ZMIZ1: variants seen among roughly 807,000 people sequenced by gnomAD.
ZMIZ1 encodes zinc finger MIZ-type containing 1.
ZMIZ1 carries 17 observed loss-of-function variants against 113.9 expected under a neutral mutation model. That is an observed-to-expected ratio of 0.15 (90% CI 0.10 to 0.22). ZMIZ1 has a LOEUF of 0.22. Ranked by LOEUF, ZMIZ1 falls within the 10% of genes least tolerant of loss-of-function variation. ZMIZ1 has a pLI of 1.00. For synonymous variants in ZMIZ1, 607 were observed against 603.1 expected (o/e 1.01, Z -0.09); for missense variants, 1,059 against 1,477.8 (o/e 0.72, Z 4.65).
chr10:79,071,119 T>C (rs1842268853), intron 1 of ZMIZ1, among the ~76,000 whole-genome samples: 1 of 152,030 alleles, frequency 6.6e-6, no homozygotes, highest in African/African-American at 2.4e-5. Context: ...GCCCCAAAGA[T>C]TTAAAAGGGC....
intron 2 of ZMIZ1, among the ~76,000 whole-genome samples, chr10:79,119,607 G>C (rs946313077): frequency 3.3e-5 from 5 of 152,198 alleles, no homozygotes; most frequent in African/African-American, 1.2e-4. Context: ...TCTGCCTCTG[G>C]CCTTGCTCCT....
At chr10:79,292,784 C>G (rs1042409659) in intron 11 of ZMIZ1, 3 of 465,222 alleles carry the variant, frequency 6.4e-6, no homozygotes, top group African/African-American at 5.9e-5. Context: ...TGCGCAGGCC[C>G]CAGTGCTGCT....
intron 1 of ZMIZ1, among the ~76,000 whole-genome samples, chr10:79,074,076 G>C (rs1842389931): frequency 6.6e-6 from 1 of 152,238 alleles, no homozygotes; most frequent in African/African-American, 2.4e-5. Context: ...GTACTTGGTG[G>C]ATTTAGAAGC....
At chr10:79,293,077 T>A (rs1038816010) in intron 11 of ZMIZ1, among the ~76,000 whole-genome samples, 4 of 152,066 alleles carry the variant, frequency 2.6e-5, no homozygotes, top group Non-Finnish European at 5.9e-5. Context: ...CTTTCCTGGT[T>A]TTCTGCCTGC....
chr10:79,275,892 A>G (rs1343806169), intron 7 of ZMIZ1, among the ~76,000 whole-genome samples: 1 of 152,236 alleles, frequency 6.6e-6, no homozygotes, highest in East Asian at 1.9e-4. Context: ...GGTCAAGAAA[A>G]AAAAAGGATG....
At chr10:79,156,636 C>T (rs1845912167) in intron 3 of ZMIZ1, among the ~76,000 whole-genome samples, 1 of 152,198 alleles carries the variant, frequency 6.6e-6, no homozygotes, top group Admixed American at 6.5e-5. Flanking sequence ...GAAGACAGTG[C>T]CTACTGTCTG....
chr10:79,226,138 C>T (rs1415824095), intron 7 of ZMIZ1, among the ~76,000 whole-genome samples: 1 of 152,010 alleles, frequency 6.6e-6, no homozygotes, highest in African/African-American at 2.4e-5. Flanking sequence ...CAGGGCCACA[C>T]AGCCCTTCAC....
At chr10:79,157,104 G>A (rs1845929345) in intron 3 of ZMIZ1, among the ~76,000 whole-genome samples, 1 of 152,186 alleles carries the variant, frequency 6.6e-6, no homozygotes, top group Non-Finnish European at 1.5e-5. Flanking sequence ...GGACAGTGAC[G>A]AGACGTAGAG....
chr10:79,254,042 C>G (rs879296315), intron 7 of ZMIZ1, among the ~76,000 whole-genome samples: 5 of 152,224 alleles, frequency 3.3e-5, no homozygotes, highest in Non-Finnish European at 7.3e-5. Context: ...GTAGCTATCA[C>G]TTGTTTGTAT....
chr10:79,293,267 GC>G (rs964490259), intron 11 of ZMIZ1, 113 bp from the exon 12 acceptor site: 4 of 1,404,676 alleles, frequency 2.8e-6, no homozygotes, highest in African/African-American at 2.9e-5. Flanking sequence ...ACAGGACAGT[GC>G]CCCCTCCCCA....
chr10:79,156,007 G>A (rs993050225), intron 3 of ZMIZ1, among the ~76,000 whole-genome samples: 6 of 152,246 alleles, frequency 3.9e-5, no homozygotes, highest in Non-Finnish European at 8.8e-5. Flanking sequence ...CACACAGTGT[G>A]TGAGCACCCT....
At chr10:79,087,528 G>T (rs1272089167) in intron 1 of ZMIZ1, among the ~76,000 whole-genome samples, 1 of 152,166 alleles carries the variant, frequency 6.6e-6, no homozygotes, top group East Asian at 1.9e-4. Flanking sequence ...ACATCCCCAG[G>T]CAGCAACCTT....
chr10:79,089,487 C>T (rs975297250), intron 1 of ZMIZ1, among the ~76,000 whole-genome samples: 2 of 152,178 alleles, frequency 1.3e-5, no homozygotes, highest in East Asian at 1.9e-4. Flanking sequence ...TGCCTCCTTC[C>T]GACAGAAGCA....
At chr10:79,311,557 G>A (rs1287604975) in intron 24 of ZMIZ1, among the ~76,000 whole-genome samples, 2 of 152,136 alleles carry the variant, frequency 1.3e-5, no homozygotes, top group African/African-American at 4.8e-5. Flanking sequence ...GAGGGCTGGA[G>A]GGAGAGGCCG....
chr10:79,134,896 G>GCAA (rs1438598108), intron 2 of ZMIZ1, among the ~76,000 whole-genome samples: 44 of 151,870 alleles, frequency 2.9e-4, no homozygotes, highest in African/African-American at 1.0e-3. Context: ...TTGGCTCACT[G>GCAA]CAACCTCTGC....
At chr10:79,078,719 A>ATTTTTTT (rs10673987) in intron 1 of ZMIZ1, among the ~76,000 whole-genome samples, 47,225 of 124,432 alleles carry the variant, frequency 0.38, 10,545 homozygotes, top group Non-Finnish European at 0.47. Flanking sequence ...TAATTTTTGT[A>ATTTTTTT]TTTTTTTTTT....
intron 2 of ZMIZ1, among the ~76,000 whole-genome samples, chr10:79,125,009 CTT>C (rs144927951): frequency 0.026 from 3,966 of 152,326 alleles, 63 homozygotes; most frequent in Middle Eastern, 0.068. Context: ...CAGTCTAAGA[CTT>C]AGTTCACCCA....
chr10:79,298,854 G>T (rs149420140), intron 15 of ZMIZ1, among the ~76,000 whole-genome samples, 196 bp from the exon 16 acceptor site: 1,640 of 152,330 alleles, frequency 0.011, 14 homozygotes, highest in Non-Finnish European at 0.018. Context: ...GGGATGAGTC[G>T]CTGGGGCGGG....
intron 1 of ZMIZ1, among the ~76,000 whole-genome samples, chr10:79,099,279 G>C (rs149129794): frequency 1.4e-4 from 22 of 152,212 alleles, no homozygotes; most frequent in Middle Eastern, 6.8e-3. Flanking sequence ...CTGGATACCA[G>C]CGCTCCTTGA....
Sources: gnomAD v4.1 joint callset for allele counts (sites outside exome capture counted in the v4.1 genomes callset) on GRCh38, gnomAD v4.1.1 for gene constraint, MANE v1.5 for transcripts, NCBI Gene and HGNC (gene_info 2026-07-23, HGNC 2026-07-21) for gene names.